Variants in KANSL1 observed in about 807,000 individuals in gnomAD.
KANSL1 encodes the protein KAT8 regulatory NSL complex subunit 1, also known as MLL1/MLL complex subunit KANSL1.
A neutral mutation model predicts 103.6 loss-of-function variants in KANSL1; 22 were observed. The ratio of observed to expected loss-of-function variants is 0.21; its 90% CI spans 0.15 to 0.30. KANSL1 has a LOEUF of 0.30. Among genes scored for constraint, KANSL1 ranks in the 10% least tolerant of loss-of-function variants. The pLI is 1.00. For missense variants in KANSL1, 1,337 were observed against 1,399.8 expected (o/e 0.96, Z 0.72); for synonymous variants, 600 against 527.6 (o/e 1.14, Z -1.88).
intron 2 of KANSL1, among the ~76,000 whole-genome samples, chr17:46,154,508 T>C (rs1299578592): frequency 6.6e-6 from 1 of 152,252 alleles, no homozygotes; most frequent in Non-Finnish European, 1.5e-5. Flanking sequence ...CTCGAACTCC[T>C]TGAGCTCAAG....
chr17:46,200,567 T>TC (rs1247665659), intron 1 of KANSL1, among the ~76,000 whole-genome samples: 1 of 151,850 alleles, frequency 6.6e-6, no homozygotes, highest in Non-Finnish European at 1.5e-5. Flanking sequence ...GTGGTGAAAC[T>TC]CCGTCTCTAC....
chr17:46,031,844 C>T, intron 14 of KANSL1, 141 bp from the exon 15 acceptor site: 2 of 1,031,740 alleles, frequency 1.9e-6, no homozygotes, highest in South Asian at 1.6e-5. Context: ...AACACCCCTC[C>T]TAGGGTATAC....
chr17:46,131,213 A>T (rs550131419), intron 2 of KANSL1, among the ~76,000 whole-genome samples: 1 of 152,378 alleles, frequency 6.6e-6, no homozygotes, highest in East Asian at 1.9e-4. Context: ...TCCCTTCTAC[A>T]ATGAATAAAA....
chr17:46,214,035 A>C (rs977658014), intron 1 of KANSL1, among the ~76,000 whole-genome samples: 1 of 152,230 alleles, frequency 6.6e-6, no homozygotes. Flanking sequence ...TCATTTCCCT[A>C]TACTTTAACT....
chr17:46,033,409 A>G lies in KANSL1; in HGVS notation c.2718T>C (p.Asn906=). 4 of 1,614,022 alleles carry G rather than the reference A, an allele frequency of 2.5e-6. No individual in the cohort carries two copies. Among genetic ancestry groups the G allele is most frequent in the East Asian group, 2.2e-5 (1 of 44,882 alleles). ...QSLKGSPDEE[N]EEIEDLSDAA... ...AGAAGAACCAGGCCATTACCTCTTC[A>G]TTCTCCTCATCAGGACTCCCCTTCA... The change falls in exon 12 of 15, where the codon AAT becomes AAC. Residue 906 remains asparagine (N), a synonymous_variant. Transcript: ENST00000432791.
chr17:46,147,634 A>T (rs1358854572), intron 2 of KANSL1, among the ~76,000 whole-genome samples: 5 of 151,734 alleles, frequency 3.3e-5, no homozygotes, highest in Non-Finnish European at 7.4e-5. Context: ...AGAGAGAAAG[A>T]TCTCAACTGA....
intron 1 of KANSL1, among the ~76,000 whole-genome samples, chr17:46,206,492 G>A (rs2668667): frequency 0.1 from 14,839 of 143,846 alleles, 21 homozygotes; most frequent in Middle Eastern, 0.17. Context: ...TGGGGAGGCT[G>A]AGACAGGAGG....
chr17:46,161,249 C>CAA, intron 2 of KANSL1, among the ~76,000 whole-genome samples: 1 of 79,530 alleles, frequency 1.3e-5, no homozygotes, highest in African/African-American at 8.6e-5. Context: ...CCCACCTCTA[C>CAA]TAAAAAAAAA....
At chr17:46,155,155 A>ATTTTTTTTT (rs33974360) in intron 2 of KANSL1, among the ~76,000 whole-genome samples, 2 of 103,854 alleles carry the variant, frequency 1.9e-5, no homozygotes, top group African/African-American at 4.4e-5. Flanking sequence ...TCAGCCAGGG[A>ATTTTTTTTT]TTTTTTTTTT....
Position 46,170,973 on chromosome 17 carries a change from A to G in KANSL1, c.1171T>C (p.Leu391=). Residue 391 remains leucine, a synonymous_variant, in exon 2 of 15, where the codon TTG becomes CTG. Coordinates refer to ENST00000432791, the MANE Select transcript of KANSL1 (RefSeq NM_015443.4). ...ERFTASGIAN[L]RCSEQAFDSD... ...TCAAATGCCTGTTCACTGCACCTCA[A>G]GTTGGCTATGCCACTAGCTGTAAAT... The G allele has an allele frequency of 6.2e-7, 1 of 1,614,208 alleles. No individual in the cohort carries two copies. Among genetic ancestry groups the G allele is most frequent in the Admixed American group, 1.7e-5 (1 of 60,032 alleles).
chr17:46,165,444 G>A (rs2045947923), intron 2 of KANSL1, among the ~76,000 whole-genome samples: 1 of 152,128 alleles, frequency 6.6e-6, no homozygotes, highest in Admixed American at 6.5e-5. Context: ...GTGTTAGCCA[G>A]GATGGTCTCA....
intron 7 of KANSL1, among the ~76,000 whole-genome samples, chr17:46,047,062 A>ACC (rs2077538306): frequency 6.6e-6 from 1 of 152,172 alleles, no homozygotes; most frequent in Non-Finnish European, 1.5e-5. Context: ...TTATTGCTCC[A>ACC]CCAGCTCCTG....
intron 1 of KANSL1, among the ~76,000 whole-genome samples, chr17:46,179,156 T>C (rs1443998475): frequency 6.6e-6 from 1 of 151,846 alleles, no homozygotes; most frequent in Non-Finnish European, 1.5e-5. Flanking sequence ...TCTCCAGACA[T>C]GTCAAATATG....
At chr17:46,082,383 T>C in intron 4 of KANSL1, 58 bp downstream of exon 4, 2 of 1,093,610 alleles carry the variant, frequency 1.8e-6, no homozygotes, top group Non-Finnish European at 2.8e-6. Flanking sequence ...AAAAACGGTG[T>C]GCCAAGACAA....
chr17:46,032,363 T>C, intron 13 of KANSL1, 64 bp from the exon 14 acceptor site: 1 of 1,405,930 alleles, frequency 7.1e-7, no homozygotes, highest in Non-Finnish European at 9.4e-7. Flanking sequence ...GTAGAGGGCA[T>C]GAAAAAAGCA....
At position 46,082,581 on chromosome 17, in the gene KANSL1, G is replaced by C. The variant is rs1475275028; in HGVS notation, c.1432-39C>G. The stretch of plus-strand genomic sequence containing the variant: ...AGGAGAAAAATAGCATAAGTGAGCA[G>C]TATAAACTTCAAATTTAATTTAGGA... On this transcript the variant is annotated intron_variant, in intron 3 of 14. Transcript: ENST00000432791. 3.4e-6 allele frequency: 4 copies of C among 1,184,758 alleles called. No individual in the cohort carries two copies. The Admixed American group carries it at 8.2e-5, about 24-fold the overall frequency. 73.4% of individuals were successfully genotyped at this position (1,184,758 alleles called of 1,614,324 possible). A position where few individuals can be genotyped will look rare whatever the true frequency, so the allele number is the denominator to read the frequency against.
At chr17:46,057,442 T>C (rs1234350804) in intron 6 of KANSL1, among the ~76,000 whole-genome samples, 2 of 152,194 alleles carry the variant, frequency 1.3e-5, no homozygotes, top group East Asian at 3.8e-4. Flanking sequence ...TTTATAAACA[T>C]ATTCTATCTA....
At chr17:46,075,994 G>A (rs2078753188) in intron 4 of KANSL1, among the ~76,000 whole-genome samples, 1 of 152,180 alleles carries the variant, frequency 6.6e-6, no homozygotes, top group Non-Finnish European at 1.5e-5. Flanking sequence ...AAGCACTCAA[G>A]AAAAGATAGA....
chr17:46,152,496 CA>C (rs1174160759), intron 2 of KANSL1, among the ~76,000 whole-genome samples: 2 of 151,026 alleles, frequency 1.3e-5, no homozygotes, highest in African/African-American at 2.4e-5. Context: ...ACATTTCCAC[CA>C]ATTAATGTCC....
Sources: gnomAD v4.1 joint callset for allele counts (sites outside exome capture counted in the v4.1 genomes callset) on GRCh38, gnomAD v4.1.1 for gene constraint, MANE v1.5 for transcripts, NCBI Gene and HGNC (gene_info 2026-07-23, HGNC 2026-07-21) for gene names.